The following NOD1 variants were observed in gnomAD, a reference collection of about 807,000 sequenced individuals.
The protein encoded by NOD1 is nucleotide binding oligomerization domain containing 1, also known as nucleotide-binding oligomerization domain-containing protein 1.
A neutral mutation model predicts 81.2 loss-of-function variants in NOD1; 70 were observed. The observed-to-expected ratio is 0.86, with a 90% CI of 0.71 to 1.05. NOD1 has a LOEUF of 1.05. Ranked by LOEUF, NOD1 falls within the 50% of genes least tolerant of loss-of-function variation. The pLI is 0.00. For synonymous variants in NOD1, 508 were observed against 526.9 expected, an observed-to-expected ratio of 0.96 and a Z score of 0.49; for missense variants, 1,233 against 1,228.0, an observed-to-expected ratio of 1.00 and a Z score of -0.06.
At chr7:30,436,207 G>A (rs1171863664) in intron 10 of NOD1, 126 bp from the exon 11 acceptor site, 1 of 709,010 alleles carries the variant, frequency 1.4e-6, no homozygotes, top group African/African-American at 1.8e-5. Flanking sequence ...CTCGGGGCAG[G>A]ATGCAGAAGT....
At chr7:30,446,390 T>C (rs1785088619) in intron 8 of NOD1, 166 bp from the exon 9 acceptor site, 1 of 631,556 alleles carries the variant, frequency 1.6e-6, no homozygotes, top group Non-Finnish European at 2.8e-6. Flanking sequence ...GGGAGGGAAC[T>C]GAAGCCCTGA....
rs946889122 is a variant in NOD1 at position 30,451,403 on chromosome 7, C to T, written c.2014G>A (p.Ala672Thr). ...TQSQKVGQLA[A>T]RGICANYLKL... is the part of the protein sequence containing the mutation. ...AGGTAGTTGGCGCAGATGCCCCTGGCCGCCAGCTGCCCCACCTTCTGGCTC... is the reference window on the plus strand; with the variant it reads ...AGGTAGTTGGCGCAGATGCCCCTGGTCGCCAGCTGCCCCACCTTCTGGCTC... Residue 672 changes from alanine (A) to threonine (T), a missense_variant, in exon 6 of 14, where the codon GCC becomes ACC. Ala to Thr is a moderately conservative substitution (Grantham distance 58). Coordinates refer to ENST00000222823, the MANE Select transcript of NOD1 (RefSeq NM_006092.4). This position sits in a 1 kb window ranked among gnomAD's most constrained non-coding sequence, Gnocchi z 4.2. The T allele has an allele frequency of 1.2e-6, 2 of 1,613,900 alleles. No individual in the cohort carries two copies. The highest frequency in any genetic ancestry group is 2.7e-5 in the African/African-American group (2 of 74,956).
intron 13 of NOD1, among the ~76,000 whole-genome samples, chr7:30,427,024 T>A (rs73687865): frequency 0.14 from 21,870 of 152,162 alleles, 3,816 homozygotes; most frequent in African/African-American, 0.42. Context: ...TTTAATGTGC[T>A]TCTCCCTTTC....
intron 9 of NOD1, among the ~76,000 whole-genome samples, chr7:30,445,305 A>AAAAATATCTCTAT (rs1784936013): frequency 1.4e-5 from 2 of 146,504 alleles, no homozygotes; most frequent in Non-Finnish European, 3.0e-5. Flanking sequence ...AAAAAAAAGA[A>AAAAATATCTCTAT]TTGAAGGCAG....
chr7:30,470,177 TC>T (rs1449053403), intron 1 of NOD1, among the ~76,000 whole-genome samples: 5 of 152,274 alleles, frequency 3.3e-5, no homozygotes, highest in African/African-American at 1.2e-4. Flanking sequence ...GCTTCTGTTT[TC>T]TTCTCTGTAA....
At chr7:30,427,251 TAC>T in intron 13 of NOD1, among the ~76,000 whole-genome samples, 1 of 152,352 alleles carries the variant, frequency 6.6e-6, no homozygotes, top group South Asian at 2.1e-4. Context: ...TTCTGTAATT[TAC>T]AGTGTTCATT....
rs1439043045 is a variant in NOD1 at position 30,452,993 on chromosome 7, T to TG, written c.423dup (p.Lys142GlnfsTer31). ...TTCTGGGCATAGCACAGCACGAACT[T>TG]GGAGTCACGGCCCAGATGGTGTCGC... On this transcript the variant is annotated frameshift_variant, in exon 6 of 14. Transcript: ENST00000222823. LOFTEE classifies it high-confidence loss of function. The TG allele has an allele frequency of 1.2e-6, 2 of 1,613,648 alleles. No individual in the cohort carries two copies. Among genetic ancestry groups the TG allele is most frequent in the African/African-American group, 1.3e-5 (1 of 75,020 alleles).
intron 1 of NOD1, among the ~76,000 whole-genome samples, chr7:30,464,221 G>A (rs1787449939): frequency 6.6e-6 from 1 of 152,166 alleles, no homozygotes; most frequent in African/African-American, 2.4e-5. Context: ...TCCTCGGCCC[G>A]GCCATGCCTG....
chr7:30,469,966 C>T (rs934657072), intron 1 of NOD1, among the ~76,000 whole-genome samples: 6 of 152,208 alleles, frequency 3.9e-5, no homozygotes, highest in African/African-American at 1.4e-4. Flanking sequence ...TGTTTCTCCC[C>T]TAAGCCCATC....
At chr7:30,455,408 T>G in intron 4 of NOD1, 97 bp from the exon 5 acceptor site, 1 of 920,496 alleles carries the variant, frequency 1.1e-6, no homozygotes, top group Non-Finnish European at 1.7e-6. Context: ...CTCTGAGTTC[T>G]TAGTACAGCC....
In NOD1 at chr7:30,452,462, T is replaced by G. The variant is rs1785852424; in HGVS notation, c.955A>C (p.Ser319Arg). 1 of 1,613,172 alleles carries G rather than the reference T, an allele frequency of 6.2e-7. No individual in the cohort carries two copies. Among genetic ancestry groups the G allele is most frequent in the Non-Finnish European group, 8.5e-7 (1 of 1,179,940 alleles). ...CTAGCCCCCTTGAGCAGCTTCCCAC[T>G]GAGCAGGTTGGCCAGCAAGACCAGG... ...HPLVLLANLL[S>R]GKLLKGASKL... The change falls in exon 6 of 14, where the codon AGT becomes CGT. Residue 319 changes from serine (S) to arginine (R), a missense_variant. Ser to Arg is a moderately radical substitution (Grantham distance 110). Transcript: ENST00000222823.
At chr7:30,461,003 G>C (rs1057456664) in intron 1 of NOD1, among the ~76,000 whole-genome samples, 1 of 152,196 alleles carries the variant, frequency 6.6e-6, no homozygotes, top group African/African-American at 2.4e-5. Flanking sequence ...GGAAAAAGGA[G>C]ACCATAGAGC....
rs200089743 is a variant in NOD1 at position 30,451,909 on chromosome 7, T to C, written c.1508A>G (p.Glu503Gly). 1.9e-6 allele frequency: 3 copies of C among 1,613,512 alleles called. No individual in the cohort carries two copies. In the Admixed American group the frequency reaches 5.0e-5, roughly 27 times the overall value. Reference sequence around the variant, plus strand: ...CTGCTGGTCACCCCCGGGGCCCAGCTCCGGCAAAGCCCGCAGGAAGCCCAG... The same window carrying C: ...CTGCTGGTCACCCCCGGGGCCCAGCCCCGGCAAAGCCCGCAGGAAGCCCAG... Reference protein sequence around the residue: ...MQLGFLRALPELGPGGDQQSY... With the variant: ...MQLGFLRALPGLGPGGDQQSY... The change falls in exon 6 of 14, where the codon GAG becomes GGG. Residue 503 changes from glutamate to glycine, a missense_variant. By Grantham distance (98) the Glu-to-Gly change is moderately conservative. Coordinates refer to ENST00000222823, the MANE Select transcript of NOD1 (RefSeq NM_006092.4). This position sits in a 1 kb window ranked among gnomAD's most constrained non-coding sequence, Gnocchi z 4.2.
chr7:30,472,409 G>A (rs528819351), intron 1 of NOD1, among the ~76,000 whole-genome samples: 4 of 152,154 alleles, frequency 2.6e-5, no homozygotes, highest in Non-Finnish European at 5.9e-5. Context: ...CATTCCTTGA[G>A]AGGCGTCCCC....
At chr7:30,449,274 AGT>A (rs989180529) in intron 6 of NOD1, among the ~76,000 whole-genome samples, 30 of 152,284 alleles carry the variant, frequency 2.0e-4, no homozygotes, top group African/African-American at 7.0e-4. Context: ...GCTGGGAAAT[AGT>A]GTGTATGTAC....
At chr7:30,472,283 A>G (rs1201617370) in intron 1 of NOD1, among the ~76,000 whole-genome samples, 1 of 152,112 alleles carries the variant, frequency 6.6e-6, no homozygotes, top group Non-Finnish European at 1.5e-5. Context: ...TTACCACACC[A>G]GCCACTCAAC....
chr7:30,445,783 A>T (rs912318201), intron 9 of NOD1, among the ~76,000 whole-genome samples: 5 of 146,190 alleles, frequency 3.4e-5, no homozygotes, highest in Non-Finnish European at 6.1e-5. Flanking sequence ...AAAAAAAAAA[A>T]GGAAATCCTG....
At chr7:30,464,319 C>T (rs1186606046) in intron 1 of NOD1, among the ~76,000 whole-genome samples, 4 of 152,184 alleles carry the variant, frequency 2.6e-5, no homozygotes, top group African/African-American at 9.7e-5. Context: ...ATCAGCGTGA[C>T]CCGTGGGATA....
intron 12 of NOD1, among the ~76,000 whole-genome samples, chr7:30,430,927 T>C (rs1783898390): frequency 6.6e-6 from 1 of 152,134 alleles, no homozygotes; most frequent in African/African-American, 2.4e-5. Context: ...GGGACAAAAA[T>C]AGAACCAGGA....
Sources: gnomAD v4.1 joint callset for allele counts (sites outside exome capture counted in the v4.1 genomes callset) on GRCh38, gnomAD v4.1.1 for gene constraint, Gnocchi (gnomAD v3.1) non-coding constraint, MANE v1.5 for transcripts, NCBI Gene and HGNC (gene_info 2026-07-23, HGNC 2026-07-21) for gene names.